The following ENOX2 variants were observed in gnomAD, a reference collection of about 807,000 sequenced individuals.
ENOX2 encodes the protein APK1 antigen.
ENOX2 carries 36 observed loss-of-function variants against 45.0 expected under a neutral mutation model. The ratio of observed to expected loss-of-function variants is 0.80; its 90% CI spans 0.61 to 1.06. The LOEUF (loss-of-function observed/expected upper bound fraction) is 1.06, where lower values mean the gene tolerates loss of function less well. ENOX2 is among the 50% of genes least tolerant of loss of function. The pLI, the probability that ENOX2 is intolerant of heterozygous loss-of-function variation, is 0.00. For synonymous variants in ENOX2, 174 were observed against 152.3 expected, an observed-to-expected ratio of 1.14 and a Z score of -1.05; for missense variants, 423 against 462.5, an observed-to-expected ratio of 0.91 and a Z score of 0.78.
At chrX:130,870,384 C>A (rs2078556493) in intron 2 of ENOX2, among the ~76,000 whole-genome samples, 1 of 112,011 alleles carries the variant, frequency 8.9e-6, no homozygotes, top group Admixed American at 9.4e-5. Flanking sequence ...TTCTCTAACA[C>A]ATTTAGAGTT....
intron 2 of ENOX2, among the ~76,000 whole-genome samples, chrX:130,853,631 T>A (rs2078259444): frequency 9.1e-6 from 1 of 110,404 alleles, no homozygotes; most frequent in African/African-American, 3.3e-5. Context: ...AAACCGGACT[T>A]CCACCTTCTC....
intron 2 of ENOX2, among the ~76,000 whole-genome samples, chrX:130,797,882 TA>T (rs1458838369): frequency 5.4e-5 from 6 of 111,431 alleles, no homozygotes; most frequent in Middle Eastern, 4.6e-3. Flanking sequence ...TGTTGTTTTT[TA>T]ATCAGCCTAC....
chrX:130,784,586 CTTTT>C (rs1038640682), intron 2 of ENOX2, among the ~76,000 whole-genome samples: 1 of 92,223 alleles, frequency 1.1e-5, no homozygotes, highest in African/African-American at 4.1e-5. Context: ...ATAGCTCACT[CTTTT>C]TTTTTTTTTT....
chrX:130,840,522 AAAAT>A (rs61403363), intron 2 of ENOX2, among the ~76,000 whole-genome samples: 1,745 of 103,208 alleles, frequency 0.017, 15 homozygotes, highest in Admixed American at 0.023. Flanking sequence ...TCTCTTTTAA[AAAAT>A]AAATAAATAA....
intron 3 of ENOX2, among the ~76,000 whole-genome samples, chrX:130,774,210 C>T (rs1255595897): frequency 8.0e-5 from 9 of 112,103 alleles, no homozygotes; most frequent in Admixed American, 7.6e-4. Flanking sequence ...GGCCTAGGTA[C>T]ATGTATAATA....
intron 3 of ENOX2, among the ~76,000 whole-genome samples, chrX:130,740,658 C>T (rs183789019): frequency 5.4e-5 from 6 of 111,536 alleles, no homozygotes; most frequent in Non-Finnish European, 1.1e-4. Flanking sequence ...AAGGGGCAGG[C>T]ATACATGAGG....
chrX:130,831,020 C>T (rs1300213343), intron 2 of ENOX2, among the ~76,000 whole-genome samples: 1 of 111,882 alleles, frequency 8.9e-6, no homozygotes, highest in African/African-American at 3.3e-5. Flanking sequence ...CTTCATGCTA[C>T]ATCATAACAC....
At chrX:130,705,963 T>C (rs1376716918) in intron 3 of ENOX2, among the ~76,000 whole-genome samples, 1 of 111,841 alleles carries the variant, frequency 8.9e-6, no homozygotes, top group Admixed American at 9.5e-5. Context: ...GCAAGCCTAA[T>C]CTCTCATGGC....
At chrX:130,649,749 A>G (rs762718174) in intron 10 of ENOX2, among the ~76,000 whole-genome samples, 34 of 112,369 alleles carry the variant, frequency 3.0e-4, no homozygotes, top group African/African-American at 1.1e-3. Context: ...ACTCCAAATA[A>G]TATCTATCCT....
chrX:130,645,692 C>G, intron 10 of ENOX2: 1 of 603,409 alleles, frequency 1.7e-6, no homozygotes, highest in Non-Finnish European at 2.5e-6. Context: ...CGTTTCATGC[C>G]CCAGCAGCCG....
At chrX:130,741,896 G>T (rs934053717) in intron 3 of ENOX2, among the ~76,000 whole-genome samples, 4 of 111,933 alleles carry the variant, frequency 3.6e-5, no homozygotes, top group African/African-American at 6.5e-5. Context: ...TGTTAACTCT[G>T]GGTAGCTCTA....
chrX:130,787,589 GA>G lies in ENOX2; in HGVS notation c.-182-3900del, dbSNP rs200066216. ...TTCTAAAAGTTGAAGGAATCCAGGGGAAAAAAAAATCTAATGAGTTAAAGGT... is the reference window on the plus strand; with the variant it reads ...TTCTAAAAGTTGAAGGAATCCAGGGGAAAAAAAATCTAATGAGTTAAAGGT... On this transcript the variant is annotated intron_variant, in intron 2 of 14. Transcript: ENST00000394363. Among the ~76,000 whole-genome samples the G allele has an allele frequency of 8.7e-3, 954 of 109,574 alleles. 10 individuals are homozygous for G. Among genetic ancestry groups the G allele is most frequent in the African/African-American group, 0.029 (875 of 30,256 alleles).
chrX:130,879,047 T>C (rs1185757834), intron 2 of ENOX2, among the ~76,000 whole-genome samples: 1 of 111,857 alleles, frequency 8.9e-6, no homozygotes, highest in African/African-American at 3.3e-5. Flanking sequence ...TGAATGCAGA[T>C]TGTACAACTT....
intron 2 of ENOX2, among the ~76,000 whole-genome samples, chrX:130,876,508 G>T (rs918940800): frequency 9.0e-6 from 1 of 111,470 alleles, no homozygotes; most frequent in Non-Finnish European, 1.9e-5. Context: ...TATTTTGGGG[G>T]TAACAAAAAT....
intron 3 of ENOX2, among the ~76,000 whole-genome samples, chrX:130,732,648 T>C (rs1450367440): frequency 3.6e-5 from 4 of 110,647 alleles, no homozygotes; most frequent in South Asian, 3.8e-4. Context: ...GGCTTAAAGA[T>C]AGATATGTAG....
At position 130,669,955 on chromosome X, in the gene ENOX2, C is replaced by A. The variant is rs149410799; in HGVS notation, c.694+10G>T. 2 of 1,133,174 alleles carry A rather than the reference C, an allele frequency of 1.8e-6. No homozygotes were observed. The highest frequency in any genetic ancestry group is 6.0e-5 in the East Asian group (2 of 33,529). 93.4% of individuals were successfully genotyped at this position (1,133,174 alleles called of 1,213,427 possible). ...TTCTTTTAATCATGAAGCTTGAGTGCCTTTGATACCTTTTAATTTTTCAGC... is the reference window on the plus strand; with the variant it reads ...TTCTTTTAATCATGAAGCTTGAGTGACTTTGATACCTTTTAATTTTTCAGC... On this transcript the variant is annotated intron_variant, in intron 7 of 14. Transcript: ENST00000394363.
intron 4 of ENOX2, among the ~76,000 whole-genome samples, chrX:130,701,296 A>G (rs1272162586): frequency 1.8e-5 from 2 of 110,922 alleles, no homozygotes; most frequent in African/African-American, 6.6e-5. Context: ...ATCTTAGACT[A>G]TAAGTGTTGT....
rs67776619 is a variant in ENOX2 at position 130,742,245 on chromosome X, CTTTTTTTTTT to C, written c.-38-39001_-38-38992del. 1.2e-3 allele frequency among the ~76,000 whole-genome samples: 71 copies of C among 60,143 alleles called. 1 individual carries two copies. The highest frequency in any genetic ancestry group is 3.6e-3 in the African/African-American group (51 of 14,352). The allele number at this position is 60,143 out of a possible 115,157, so 52.2% of individuals were successfully genotyped here. On this transcript the variant is annotated intron_variant, in intron 3 of 14. Transcript: ENST00000394363. ...TGTCTGGTTTGGTACAGATAATTTC[CTTTTTTTTTT>C]TTTTTTTTTTTTTTTTTTTGTGAAA...
At chrX:130,821,251 C>T (rs28677933) in intron 2 of ENOX2, among the ~76,000 whole-genome samples, 10 of 106,153 alleles carry the variant, frequency 9.4e-5, no homozygotes, top group East Asian at 5.9e-4. Context: ...CGTATGTTTA[C>T]TGCGGCATTA....
Sources: gnomAD v4.1 joint callset for allele counts (sites outside exome capture counted in the v4.1 genomes callset) on GRCh38, gnomAD v4.1.1 for gene constraint, MANE v1.5 for transcripts, NCBI Gene and HGNC (gene_info 2026-07-23, HGNC 2026-07-21) for gene names.